Variants in TUBB3 observed in about 807,000 individuals in gnomAD.
TUBB3 encodes tubulin beta 3 class III, also known as tubulin beta-3 chain.
Under a neutral mutation model 37.8 loss-of-function variants are expected in TUBB3, and 17 were observed. The observed-to-expected ratio is 0.45, with a 90% CI of 0.31 to 0.67. The LOEUF (loss-of-function observed/expected upper bound fraction) is 0.67, where lower values mean the gene tolerates loss of function less well. Among genes scored for constraint, TUBB3 ranks in the 30% least tolerant of loss-of-function variants. The pLI, the probability that TUBB3 is intolerant of heterozygous loss-of-function variation, is 0.07. For missense variants in TUBB3, 262 were observed against 657.9 expected (o/e 0.40, Z 6.58); for synonymous variants, 332 against 278.9 (o/e 1.19, Z -1.90).
intron 1 of TUBB3, chr16:89,931,776 CCT>C (rs925257146): frequency 5.5e-5 from 17 of 306,372 alleles, no homozygotes; most frequent in Non-Finnish European, 1.1e-4. Context: ...AGGCCCAGCC[CCT>C]GAGTCTAGGC....
At chr16:89,925,051 G>A (rs1378964448) in intron 1 of TUBB3, among the ~76,000 whole-genome samples, 1 of 152,070 alleles carries the variant, frequency 6.6e-6, no homozygotes, top group Non-Finnish European at 1.5e-5. Context: ...TCCTTCTATG[G>A]CTGGGATGGG....
In TUBB3 at chr16:89,935,159, C is replaced by T. The variant is rs766853137; in HGVS notation, c.708C>T (p.Val236=). Residue 236 remains valine (V), a synonymous_variant, in exon 4 of 4, where the codon GTC becomes GTT. Coordinates refer to ENST00000315491, the MANE Select transcript of TUBB3 (RefSeq NM_006086.4). The part of the protein sequence containing the change: ...NHLVSATMSG[V]TTSLRFPGQL... ...TGGTATCGGCCACCATGAGCGGAGT[C>T]ACCACCTCCTTGCGCTTCCCGGGCC... 3 of 1,614,046 alleles carry T rather than the reference C, an allele frequency of 1.9e-6. No individual in the cohort carries two copies. Among genetic ancestry groups the T allele is most frequent in the Non-Finnish European group, 2.5e-6 (3 of 1,180,042 alleles).
chr16:89,930,669 TATTACAGGC>T (rs1355029011), intron 1 of TUBB3, among the ~76,000 whole-genome samples: 1 of 151,668 alleles, frequency 6.6e-6, no homozygotes, highest in Non-Finnish European at 1.5e-5. Flanking sequence ...AAATTGTTGG[TATTACAGGC>T]GTGAGCCACC....
intron 1 of TUBB3, among the ~76,000 whole-genome samples, chr16:89,928,589 A>G (rs1396328803): frequency 2.6e-5 from 4 of 150,992 alleles, no homozygotes; most frequent in Non-Finnish European, 5.9e-5. Flanking sequence ...CGGTGGCACA[A>G]TCTCGGTTCA....
chr16:89,932,399 G>A (rs1337858255), intron 1 of TUBB3, among the ~76,000 whole-genome samples, 172 bp from the exon 2 acceptor site: 1 of 152,144 alleles, frequency 6.6e-6, no homozygotes, highest in African/African-American at 2.4e-5. Flanking sequence ...TATTTATTAT[G>A]GCAATTTTCT....
At chr16:89,926,011 C>T (rs930155603) in intron 1 of TUBB3, among the ~76,000 whole-genome samples, 1 of 152,080 alleles carries the variant, frequency 6.6e-6, no homozygotes, top group Admixed American at 6.5e-5. Context: ...AACCCGAAGC[C>T]CGGAAAGCCG....
chr16:89,923,887 C>T (rs1370073807), intron 1 of TUBB3, among the ~76,000 whole-genome samples: 1 of 152,150 alleles, frequency 6.6e-6, no homozygotes, highest in Admixed American at 6.5e-5. Flanking sequence ...GTGATTTCCT[C>T]GGCCCGAACC....
chr16:89,925,290 T>A (rs1052977547), intron 1 of TUBB3, among the ~76,000 whole-genome samples: 1 of 152,110 alleles, frequency 6.6e-6, no homozygotes, highest in Non-Finnish European at 1.5e-5. Flanking sequence ...TATTTCTTTT[T>A]AAAAATTAAT....
At chr16:89,932,141 A>C (rs1597422868) in intron 1 of TUBB3, 1 of 319,694 alleles carries the variant, frequency 3.1e-6, no homozygotes, top group Non-Finnish European at 6.2e-6. Flanking sequence ...GGGCCTCTGA[A>C]CCCTGCTCTG....
intron 2 of TUBB3, chr16:89,933,226 T>C (rs2030334480): frequency 7.3e-6 from 5 of 689,156 alleles, no homozygotes; most frequent in South Asian, 6.0e-5. Flanking sequence ...CTGCATCTGG[T>C]GGACGTCTGA....
In TUBB3 at chr16:89,935,741, C is replaced by T. The variant is rs200607346; in HGVS notation, c.1290C>T (p.Ala430=). The change falls in exon 4 of 4, where the codon GCC becomes GCT. Residue 430 remains alanine, a synonymous_variant. Coordinates refer to ENST00000315491, the MANE Select transcript of TUBB3 (RefSeq NM_006086.4). ...SEYQQYQDAT[A]EEEGEMYEDD... ...ACCAGCAGTACCAGGACGCCACGGC[C>T]GAGGAAGAGGGCGAGATGTACGAAG... The T allele has an allele frequency of 7.4e-6, 12 of 1,613,928 alleles. No individual in the cohort carries two copies. The highest frequency in any genetic ancestry group is 3.3e-5 in the Admixed American group (2 of 60,022).
chr16:89,935,240 G>C lies in TUBB3; in HGVS notation c.789G>C (p.Leu263=). 6.2e-7 allele frequency: 1 copy of C among 1,613,770 alleles called. No homozygotes were observed. The highest frequency in any genetic ancestry group is 8.5e-7 in the Non-Finnish European group (1 of 1,179,992). ...LAVNMVPFPR[L]HFFMPGFAPL... Reference sequence around the variant, plus strand: ...TCAACATGGTGCCCTTCCCGCGCCTGCACTTCTTCATGCCCGGCTTCGCCC... The same window carrying C: ...TCAACATGGTGCCCTTCCCGCGCCTCCACTTCTTCATGCCCGGCTTCGCCC... Residue 263 remains leucine, a synonymous_variant, in exon 4 of 4, where the codon CTG becomes CTC. Transcript: ENST00000315491.
chr16:89,935,471 C>T lies in TUBB3; in HGVS notation c.1020C>T (p.Tyr340=). ...MLAIQSKNSS[Y]FVEWIPNNVK... is the part of the protein sequence containing the mutation. ...CCATCCAGAGCAAGAACAGCAGCTA[C>T]TTCGTGGAGTGGATCCCCAACAACG... The change falls in exon 4 of 4, where the codon TAC becomes TAT. Residue 340 remains tyrosine, a synonymous_variant. Coordinates refer to ENST00000315491, the MANE Select transcript of TUBB3 (RefSeq NM_006086.4). The T allele has an allele frequency of 1.9e-6, 3 of 1,614,238 alleles. No homozygotes were observed. Among genetic ancestry groups the T allele is most frequent in the Non-Finnish European group, 2.5e-6 (3 of 1,180,046 alleles).
At chr16:89,924,937 G>T (rs544344122) in intron 1 of TUBB3, among the ~76,000 whole-genome samples, 1 of 151,874 alleles carries the variant, frequency 6.6e-6, no homozygotes, top group Non-Finnish European at 1.5e-5. Flanking sequence ...GAGGGTCAGG[G>T]GTCGCTGGGG....
chr16:89,927,457 C>G (rs138703187), intron 1 of TUBB3, among the ~76,000 whole-genome samples: 131 of 151,986 alleles, frequency 8.6e-4, no homozygotes, highest in African/African-American at 3.0e-3. Flanking sequence ...ACTACAAAAG[C>G]AATTAATATA....
intron 1 of TUBB3, among the ~76,000 whole-genome samples, chr16:89,928,072 A>AT (rs35576759): frequency 0.1 from 14,931 of 149,878 alleles, 981 homozygotes; most frequent in East Asian, 0.26. Flanking sequence ...ACCTTTCTGT[A>AT]TTTTTTTTTT....
In TUBB3 at chr16:89,925,816, G is replaced by A. The variant is rs1255046581; in HGVS notation, c.57+2358G>A. On this transcript the variant is annotated intron_variant, in intron 1 of 3. Transcript: ENST00000315491. ...TCCTCGGGCGGTGCCTGGCTGGGCA[G>A]GAAGGCCCGTGCACTCTGGGCAGAG... Among the ~76,000 whole-genome samples, 3 of 152,188 alleles carry A rather than the reference G, an allele frequency of 2.0e-5. No homozygotes were observed. The East Asian group carries it at 5.8e-4, about 29-fold the overall frequency.
chr16:89,926,427 C>T (rs547471012), intron 1 of TUBB3, among the ~76,000 whole-genome samples: 9 of 152,264 alleles, frequency 5.9e-5, no homozygotes, highest in African/African-American at 1.7e-4. Flanking sequence ...TCATCGGGGA[C>T]CCCCGCTCCC....
Position 89,932,594 on chromosome 16 carries a change from G to T in TUBB3, c.81G>T (p.Glu27Asp). ...GAKFWEVISD[E>D]HGIDPSGNYV... is the part of the protein sequence containing the mutation. ...AGTTCTGGGAAGTCATCAGTGATGA[G>T]CATGGCATCGACCCCAGCGGCAACT... is the stretch of plus-strand genomic sequence containing the variant. Residue 27 changes from glutamate (E) to aspartate (D), a missense_variant, in exon 2 of 4, where the codon GAG becomes GAT. By Grantham distance (45) the Glu-to-Asp change is conservative. Around this residue, in one of 3 missense-constraint regions of TUBB3, gnomAD observed 58 missense variants for 74.2 expected, o/e 0.78. Coordinates refer to ENST00000315491, the MANE Select transcript of TUBB3 (RefSeq NM_006086.4). The T allele has an allele frequency of 6.2e-7, 1 of 1,614,140 alleles. No individual in the cohort carries two copies. Among genetic ancestry groups the T allele is most frequent in the South Asian group, 1.1e-5 (1 of 91,086 alleles).
Sources: allele counts gnomAD v4.1 joint callset (sites outside exome capture counted in the v4.1 genomes callset), GRCh38; gene constraint gnomAD v4.1.1; regional missense constraint gnomAD v4.1.1; transcripts MANE v1.5; gene names NCBI Gene and HGNC (gene_info 2026-07-23, HGNC 2026-07-21).